The following SYNE1 variants were observed in gnomAD, a reference collection of about 807,000 sequenced individuals.
SYNE1 encodes the protein spectrin repeat containing nuclear envelope protein 1, also known as nesprin-1.
SYNE1 carries 616 observed loss-of-function variants against 1,111.0 expected under a neutral mutation model. That is an observed-to-expected ratio of 0.55 (90% CI 0.52 to 0.59). The LOEUF is 0.59. Among genes scored for constraint, SYNE1 ranks in the 20% least tolerant of loss-of-function variants. The pLI, the probability that SYNE1 is intolerant of heterozygous loss-of-function variation, is 0.00. For missense variants in SYNE1, 10,006 were observed against 10,417.0 expected (o/e 0.96, Z 1.72); for synonymous variants, 3,855 against 3,825.8 (o/e 1.01, Z -0.28).
rs551006000 is a variant in SYNE1, at chr6:152,206,126, C to T, written c.23019+42G>A. 1.4e-5 allele frequency: 23 copies of T among 1,594,894 alleles called. No homozygotes were observed. The East Asian group carries it at 5.1e-4, about 36-fold the overall frequency. On this transcript the variant is annotated intron_variant, in intron 126 of 145. Coordinates refer to ENST00000367255, the MANE Select transcript of SYNE1 (RefSeq NM_182961.4). ...ACAATGGGAGGAAGTAGTACAACGA[C>T]TAAAAGGGTTTTTTGGTTCGTTTTT...
intron 74 of SYNE1, among the ~76,000 whole-genome samples, chr6:152,340,077 A>G (rs2096497988): frequency 6.6e-6 from 1 of 152,216 alleles, no homozygotes; most frequent in African/African-American, 2.4e-5. Context: ...GTAGTTTTAA[A>G]TATCATGTGG....
rs1250614595 is a variant in SYNE1, at chr6:152,398,627, C to T, written c.7342G>A (p.Asp2448Asn). 6.2e-7 allele frequency: 1 copy of T among 1,613,676 alleles called. No homozygotes were observed. The highest frequency in any genetic ancestry group is 2.2e-5 in the East Asian group (1 of 44,864). Residue 2448 changes from aspartate to asparagine, a missense_variant, in exon 49 of 146, where the codon GAT (aspartate) becomes AAT (asparagine). This residue lies in a region of SYNE1 where 4,955 missense variants were observed against 5,017.2 expected (regional missense o/e 0.99). Transcript: ENST00000367255. ...GATGTCAGCTTCTATACCTGAAGATCATGGAGCTTTGCTTCTAGAACTTTG... is the reference window on the plus strand; with the variant it reads ...GATGTCAGCTTCTATACCTGAAGATTATGGAGCTTTGCTTCTAGAACTTTG... ...DSKVLEAKLHDLQNILDSVSD... is the reference protein window; with the variant it reads ...DSKVLEAKLHNLQNILDSVSD...
intron 33 of SYNE1, 156 bp downstream of exon 33, chr6:152,435,785 G>A (rs1388992874): frequency 9.9e-6 from 9 of 909,674 alleles, no homozygotes; most frequent in East Asian, 5.3e-5. Context: ...CTGTATTAGC[G>A]ATACTTTCTT....
chr6:152,594,936 C>G (rs532418071), intron 3 of SYNE1, among the ~76,000 whole-genome samples: 1 of 152,326 alleles, frequency 6.6e-6, no homozygotes, highest in East Asian at 1.9e-4. Flanking sequence ...GTACCACATT[C>G]CAAGCTTCAT....
intron 33 of SYNE1, chr6:152,434,950 T>C (rs1437064070): frequency 1.3e-5 from 2 of 152,134 alleles, no homozygotes; most frequent in Non-Finnish European, 2.9e-5. Context: ...CTTTTTAAAT[T>C]AAATAAAGGT....
chr6:152,393,902 G>A (rs1446298669), intron 51 of SYNE1, among the ~76,000 whole-genome samples: 2 of 152,154 alleles, frequency 1.3e-5, no homozygotes, highest in Non-Finnish European at 2.9e-5. Context: ...AGGTATACAA[G>A]TGCCATGGTG....
At chr6:152,392,683 G>A (rs1193328068) in intron 51 of SYNE1, among the ~76,000 whole-genome samples, 1 of 150,354 alleles carries the variant, frequency 6.7e-6, no homozygotes, top group East Asian at 1.9e-4. Flanking sequence ...ATGTGCCCTG[G>A]AACTTATAAA....
intron 65 of SYNE1, 137 bp from the exon 66 acceptor site, chr6:152,358,674 G>T: frequency 2.5e-6 from 2 of 812,292 alleles, no homozygotes; most frequent in Non-Finnish European, 1.9e-6. Context: ...CTAGAATCAT[G>T]AATCTTCAAT....
Position 152,215,099 on chromosome 6 carries a change from C to A in SYNE1, c.22192-39G>T, listed in dbSNP as rs181807302. On this transcript the variant is annotated intron_variant, in intron 121 of 145. Transcript: ENST00000367255. ...TTAAAAGTAGGTTTAGCACCATGGT[C>A]AAAAAAGTCAAAACTTTTTCAAAGT... 1.9e-4 allele frequency: 310 copies of A among 1,611,012 alleles called. 1 individual carries two copies. In the African/African-American group the frequency reaches 3.8e-3, roughly 20 times the overall value.
chr6:152,190,634 G>A lies in SYNE1; in HGVS notation c.23146-1227C>T, dbSNP rs1284595689. ...AAAAATGTATGATTAAACTCTTACT[G>A]ACTACATTTGCCTTGTTGTTCTATC... On this transcript the variant is annotated intron_variant, in intron 127 of 145. Coordinates refer to ENST00000367255, the MANE Select transcript of SYNE1 (RefSeq NM_182961.4). Among the ~76,000 whole-genome samples, 6 of 152,046 alleles carry A rather than the reference G, an allele frequency of 3.9e-5. 1 individual carries two copies. The highest frequency in any genetic ancestry group is 3.9e-4 in the Admixed American group (6 of 15,252).
Position 152,442,062 on chromosome 6 carries a change from T to G in SYNE1, c.4008+13A>C. The G allele has an allele frequency of 6.2e-7, 1 of 1,613,984 alleles. No homozygotes were observed. Among genetic ancestry groups the G allele is most frequent in the East Asian group, 2.2e-5 (1 of 44,876 alleles). On this transcript the variant is annotated intron_variant, in intron 31 of 145. Transcript: ENST00000367255. The stretch of plus-strand genomic sequence containing the variant: ...AGCCTCTGTTTAAATGGCCCCTAAC[T>G]TCCGGCTCCTACCTGGATGCGGCGT...
chr6:152,128,449 A>T (rs974092288), intron 145 of SYNE1: 2 of 152,360 alleles, frequency 1.3e-5, no homozygotes, highest in Admixed American at 1.3e-4. Flanking sequence ...GGTGTTCAGT[A>T]CCTATTGGCA....
chr6:152,233,635 C>T, intron 112 of SYNE1, 146 bp downstream of exon 112: 2 of 1,055,660 alleles, frequency 1.9e-6, no homozygotes, highest in South Asian at 2.9e-5. Flanking sequence ...AGAGTTCACT[C>T]TTAATATTAA....
intron 130 of SYNE1, chr6:152,167,752 C>T: frequency 1.8e-6 from 1 of 546,184 alleles, no homozygotes; most frequent in Non-Finnish European, 3.7e-6. Flanking sequence ...AGAAGCCCAT[C>T]CTTTAAATAG....
chr6:152,123,690 A>G (rs2052280726), intron 145 of SYNE1, among the ~76,000 whole-genome samples: 1 of 152,218 alleles, frequency 6.6e-6, no homozygotes, highest in South Asian at 2.1e-4. Context: ...TACAACATTG[A>G]ATGAACAAAA....
intron 105 of SYNE1, 55 bp downstream of exon 105, chr6:152,249,106 T>G (rs561112797): frequency 4.2e-5 from 48 of 1,149,572 alleles, no homozygotes; most frequent in Middle Eastern, 1.9e-4. Context: ...AATTTCATAG[T>G]AAGTCATATC....
At chr6:152,250,090 G>A (rs7775378) in intron 104 of SYNE1, among the ~76,000 whole-genome samples, 9,642 of 151,610 alleles carry the variant, frequency 0.064, 352 homozygotes, top group East Asian at 0.13. Flanking sequence ...CAGTGCACCC[G>A]GTCTCTACAA....
rs768076321 is a variant in SYNE1, at chr6:152,330,354, G to A, written c.14331C>T (p.Thr4777=). Residue 4777 remains threonine (T), a synonymous_variant, in exon 78 of 146, where the codon ACC becomes ACT. Transcript: ENST00000367255. Reference sequence around the variant, plus strand: ...TCTTCTCGTGTTCTTGGTAAGCACTGGTGGTGTCTTCTAATAAGCTAACCC... The same window carrying A: ...TCTTCTCGTGTTCTTGGTAAGCACTAGTGGTGTCTTCTAATAAGCTAACCC... ...EQRVSLLEDT[T]SAYQEHEKMC... 1.8e-5 allele frequency: 29 copies of A among 1,614,124 alleles called. No individual in the cohort carries two copies. The highest frequency in any genetic ancestry group is 2.5e-5 in the Non-Finnish European group (29 of 1,180,036).
At chr6:152,512,728 G>A (rs1419438679) in intron 6 of SYNE1, among the ~76,000 whole-genome samples, 1 of 152,126 alleles carries the variant, frequency 6.6e-6, no homozygotes, top group Non-Finnish European at 1.5e-5. Context: ...TGTTTTTCAT[G>A]ATTATCTGCC....
Sources: allele counts gnomAD v4.1 joint callset (sites outside exome capture counted in the v4.1 genomes callset), GRCh38; gene constraint gnomAD v4.1.1; regional missense constraint gnomAD v4.1.1; transcripts MANE v1.5; gene names NCBI Gene and HGNC (gene_info 2026-07-23, HGNC 2026-07-21).